The following PDXDC1 variants were observed in gnomAD, a reference collection of about 807,000 sequenced individuals.
PDXDC1 encodes the protein pyridoxal-dependent decarboxylase domain-containing protein 1.
PDXDC1 carries 42 observed loss-of-function variants against 100.1 expected under a neutral mutation model. The ratio of observed to expected loss-of-function variants is 0.42; its 90% CI spans 0.33 to 0.54. PDXDC1 has a LOEUF of 0.54. Ranked by LOEUF, PDXDC1 falls within the 20% of genes least tolerant of loss-of-function variation. The pLI is 0.10. For synonymous variants in PDXDC1, 260 were observed against 371.7 expected (o/e 0.70, Z 3.46); for missense variants, 636 against 979.2 (o/e 0.65, Z 4.68).
At chr16:15,091,630 C>T (rs1352087509) in intron 16 of PDXDC1, among the ~76,000 whole-genome samples, 4 of 152,032 alleles carry the variant, frequency 2.6e-5, no homozygotes, top group African/African-American at 9.7e-5. Flanking sequence ...ATAGTTGATA[C>T]TCCTGCGAAT....
intron 5 of PDXDC1, among the ~76,000 whole-genome samples, chr16:15,005,291 T>TGA (rs1974016912): frequency 7.0e-6 from 1 of 142,716 alleles, no homozygotes; most frequent in African/African-American, 2.6e-5. Flanking sequence ...GGCGACAGAG[T>TGA]GAGACTCTGT....
rs1239246329 is a variant in PDXDC1, at chr16:15,075,554, C to T, written c.1399+45498C>T. Among the ~76,000 whole-genome samples, 3 of 151,262 alleles carry T rather than the reference C, an allele frequency of 2.0e-5. No individual in the cohort carries two copies. The Admixed American group carries it at 2.0e-4, about 10-fold the overall frequency. On this transcript the variant is annotated intron_variant, in intron 16 of 16. Transcript: ENST00000535621. The stretch of plus-strand genomic sequence containing the variant: ...CACTGCCACACTCCAGCCTGGGCAA[C>T]AGAGTGAGACCCTGTCTCAAATTAA...
At position 15,133,820 on chromosome 16, in the gene PDXDC1, G is replaced by A. The variant is rs1598267194; in HGVS notation, c.1400-5059G>A. The stretch of plus-strand genomic sequence containing the variant: ...CCGTGCATTCGAAGTGCACCTTGGT[G>A]GTGAGGGCGTGCACAGCGCCCAGTG... On this transcript the variant is annotated intron_variant, in intron 16 of 16. Transcript: ENST00000535621. The A allele has an allele frequency of 9.5e-6, 15 of 1,585,826 alleles. No individual in the cohort carries two copies. The East Asian group carries it at 3.4e-4, about 36-fold the overall frequency.
rs577268659 is a variant in PDXDC1 at position 15,031,947 on chromosome 16, G to A, written c.1571+41G>A. 4 of 1,520,066 alleles carry A rather than the reference G, an allele frequency of 2.6e-6. No individual in the cohort carries two copies. The Admixed American group carries it at 5.8e-5, about 22-fold the overall frequency. The allele number at this position is 1,520,066 out of a possible 1,614,324, so 94.2% of individuals were successfully genotyped here. ...GCCGCTTGATGTTGGAGACTTTTCT[G>A]TATAAAGAACATGAGTGGGTCATTT... On this transcript the variant is annotated intron_variant, in intron 17 of 22. Coordinates refer to ENST00000396410, the MANE Select transcript of PDXDC1 (RefSeq NM_015027.4).
intron 16 of PDXDC1, chr16:15,047,430 C>T (rs769027262): frequency 1.1e-5 from 16 of 1,515,326 alleles, no homozygotes; most frequent in African/African-American, 4.1e-5. Flanking sequence ...ATGAGAGCAG[C>T]GTAGATCTCA....
At chr16:15,136,102 G>C in intron 16 of PDXDC1, 1 of 1,578,262 alleles carries the variant, frequency 6.3e-7, no homozygotes, top group Non-Finnish European at 8.6e-7. Flanking sequence ...CCGCTGCACA[G>C]TCGAGAAGCC....
In PDXDC1 at chr16:15,028,870, G is replaced by C; in HGVS notation, c.1205-8G>C. The C allele has an allele frequency of 6.2e-7, 1 of 1,612,688 alleles. No homozygotes were observed. Among genetic ancestry groups the C allele is most frequent in the Non-Finnish European group, 8.5e-7 (1 of 1,179,178 alleles). The stretch of plus-strand genomic sequence containing the variant: ...GGGAGTGACTCCCTTTCTGTGTTTT[G>C]GTGTCAGATCCGGTGTTTAAAGCCG... On this transcript the variant is annotated splice_region_variant and splice_polypyrimidine_tract_variant and intron_variant, in intron 14 of 22. Coordinates refer to ENST00000396410, the MANE Select transcript of PDXDC1 (RefSeq NM_015027.4).
At chr16:15,080,325 AAGT>A (rs1248214531) in intron 16 of PDXDC1, among the ~76,000 whole-genome samples, 1 of 152,240 alleles carries the variant, frequency 6.6e-6, no homozygotes, top group Non-Finnish European at 1.5e-5. Context: ...ATAGGTTTTT[AAGT>A]AGCTGTATTG....
At chr16:15,127,821 C>A (rs1263083527) in intron 16 of PDXDC1, 2 of 1,562,274 alleles carry the variant, frequency 1.3e-6, no homozygotes, top group South Asian at 2.3e-5. Context: ...ATATGGAGAG[C>A]CAGATGTGCT....
chr16:15,095,036 C>T (rs558143213), intron 16 of PDXDC1, among the ~76,000 whole-genome samples: 2 of 152,146 alleles, frequency 1.3e-5, no homozygotes, highest in East Asian at 3.9e-4. Flanking sequence ...CGGGGTTGCA[C>T]TGTGTTGGCC....
At chr16:15,073,466 A>C (rs1181880485) in intron 16 of PDXDC1, among the ~76,000 whole-genome samples, 1 of 152,222 alleles carries the variant, frequency 6.6e-6, no homozygotes, top group East Asian at 1.9e-4. Context: ...TTAAAAAAAA[A>C]AGAAAGACAG....
In PDXDC1 at chr16:15,036,209, C is replaced by G. The variant is rs531669951; in HGVS notation, c.2301C>G (p.Phe767Leu). Reference sequence around the variant, plus strand: ...AGCACACCGACCAGACCGAGGCCTTCCAGAAAGGGGTCCCACACCCAGAAG... The same window carrying G: ...AGCACACCGACCAGACCGAGGCCTTGCAGAAAGGGGTCCCACACCCAGAAG... ...SPQHTDQTEA[F>L]QKGVPHPEDD... The change falls in exon 23 of 23, where the codon TTC (phenylalanine) becomes TTG (leucine). Residue 767 changes from phenylalanine to leucine, a missense_variant. Physicochemically the swap from Phe to Leu is conservative, Grantham distance 22. This residue lies in a region of PDXDC1 where 452 missense variants were observed against 402.9 expected (regional missense o/e 1.12). Transcript: ENST00000396410. 1.2e-5 allele frequency: 20 copies of G among 1,614,054 alleles called. No homozygotes were observed. Among genetic ancestry groups the G allele is most frequent in the Non-Finnish European group, 1.6e-5 (19 of 1,179,966 alleles).
At chr16:15,018,389 A>G (rs890418297) in intron 11 of PDXDC1, among the ~76,000 whole-genome samples, 1 of 152,254 alleles carries the variant, frequency 6.6e-6, no homozygotes, top group African/African-American at 2.4e-5. Context: ...AGCCTGGGCG[A>G]CAGAATGAAA....
At chr16:14,982,321 C>A (rs1968176528) in intron 1 of PDXDC1, among the ~76,000 whole-genome samples, 1 of 152,298 alleles carries the variant, frequency 6.6e-6, no homozygotes, top group South Asian at 2.1e-4. Context: ...ATATCCAGTT[C>A]TTAGAAGATG....
At chr16:15,128,210 G>A (rs1056315618) in intron 16 of PDXDC1, 2 of 1,610,902 alleles carry the variant, frequency 1.2e-6, no homozygotes, top group East Asian at 2.2e-5. Context: ...GCTTGGCAGG[G>A]TCCGCACAGA....
Position 15,056,037 on chromosome 16 carries a change from C to A in PDXDC1, c.1399+25981C>A, listed in dbSNP as rs1274458612. The A allele has an allele frequency of 4.4e-6, 3 of 677,034 alleles. No homozygotes were observed. In the East Asian group the frequency reaches 2.2e-4, roughly 50 times the overall value. 41.9% of individuals were successfully genotyped at this position (677,034 alleles called of 1,614,324 possible). On this transcript the variant is annotated intron_variant, in intron 16 of 16. Coordinates refer to the PDXDC1 transcript ENST00000535621. ...CCCCCCGCTTTGCAGCCCCGGGCCG[C>A]CCGCCGCCCCCGCCCCTCGGGCCGC...
chr16:15,094,287 A>G (rs2046267987), intron 16 of PDXDC1: 3 of 1,405,474 alleles, frequency 2.1e-6, no homozygotes, highest in Non-Finnish European at 2.9e-6. Context: ...AGCTCCTTCC[A>G]GCCACAGCCT....
At chr16:15,083,623 T>G in intron 16 of PDXDC1, 1 of 1,583,836 alleles carries the variant, frequency 6.3e-7, no homozygotes, top group Non-Finnish European at 8.6e-7. Context: ...TAACTTTACT[T>G]TCTAGAAAAG....
rs142919870 is a variant in PDXDC1, at chr16:15,033,327, C to T, written c.1740C>T (p.Ser580=). The change falls in exon 19 of 23, where the codon AGC becomes AGT. Residue 580 remains serine, a synonymous_variant. Coordinates refer to ENST00000396410, the MANE Select transcript of PDXDC1 (RefSeq NM_015027.4). ...GCTGCCTTTATGTCGGCATGGCGAG[C>T]GACAACGTCGATGCTGCTGAGCTCG... ...MKSCLYVGMA[S]DNVDAAELVE... is the part of the protein sequence containing the mutation. 2.2e-5 allele frequency: 36 copies of T among 1,613,964 alleles called. 1 individual carries two copies. Among genetic ancestry groups the T allele is most frequent in the African/African-American group, 1.1e-4 (8 of 74,890 alleles).
Sources: gnomAD v4.1 joint callset for allele counts (sites outside exome capture counted in the v4.1 genomes callset) on GRCh38, gnomAD v4.1.1 for gene constraint, gnomAD v4.1.1 regional missense constraint, MANE v1.5 for transcripts, NCBI Gene and HGNC (gene_info 2026-07-23, HGNC 2026-07-21) for gene names.